The following WNK2 variants were observed in gnomAD, a reference collection of about 807,000 sequenced individuals.
The protein encoded by WNK2 is serine/threonine-protein kinase WNK2.
In WNK2, 67 loss-of-function variants were observed where a neutral mutation model predicts 192.1. The observed-to-expected ratio is 0.35, with a 90% CI of 0.29 to 0.43. The LOEUF is 0.43. WNK2 is among the 20% of genes least tolerant of loss of function. The pLI is 1.00. For missense variants in WNK2, 2,698 were observed against 3,089.7 expected (o/e 0.87, Z 3.01); for synonymous variants, 1,439 against 1,393.9 (o/e 1.03, Z -0.72).
chr9:93,293,928 T>TTGTCTC (rs756699899), intron 23 of WNK2, among the ~76,000 whole-genome samples: 1 of 151,990 alleles, frequency 6.6e-6, no homozygotes, highest in African/African-American at 2.4e-5. Context: ...TCTCCTTTCT[T>TTGTCTC]TGTCTCTGTC....
intron 7 of WNK2, among the ~76,000 whole-genome samples, chr9:93,241,077 G>T (rs1346534662): frequency 1.3e-5 from 2 of 152,218 alleles, no homozygotes; most frequent in African/African-American, 4.8e-5. Context: ...CGCCAGAGAG[G>T]GACAGTGGTG....
Position 93,247,914 on chromosome 9 carries a change from G to A in WNK2, c.1834+80G>A, listed in dbSNP as rs1842007690. On this transcript the variant is annotated intron_variant, in intron 8 of 29. Transcript: ENST00000427277. This position sits in a 1 kb window ranked among gnomAD's most constrained non-coding sequence, Gnocchi z 5.2. ...AACCAGCTATTGGGCAAAGAAAAAT[G>A]AAGTCCTCTCCCTTTATTGGAATGC... The A allele has an allele frequency of 7.0e-7, 1 of 1,429,304 alleles. No individual in the cohort carries two copies. Among genetic ancestry groups the A allele is most frequent in the Admixed American group, 2.3e-5 (1 of 44,110 alleles). The allele number at this position is 1,429,304 out of a possible 1,614,324, so 88.5% of individuals were successfully genotyped here.
At chr9:93,245,415 G>A (rs997398017) in intron 7 of WNK2, among the ~76,000 whole-genome samples, 5 of 152,192 alleles carry the variant, frequency 3.3e-5, no homozygotes, top group African/African-American at 1.2e-4. Context: ...CTGTCCCTCG[G>A]GACGGGCTCA....
chr9:93,308,212 C>G, intron 27 of WNK2, 116 bp from the exon 28 acceptor site: 3 of 1,460,644 alleles, frequency 2.1e-6, no homozygotes, highest in South Asian at 1.4e-5. Flanking sequence ...AAGGTGCTGC[C>G]TGGCCCAAGT....
At chr9:93,219,056 C>A (rs886984661) in intron 2 of WNK2, among the ~76,000 whole-genome samples, 1 of 152,226 alleles carries the variant, frequency 6.6e-6, no homozygotes, top group Non-Finnish European at 1.5e-5. Flanking sequence ...TCCCTCTGCC[C>A]CTCAGCTGCC....
At chr9:93,227,860 ACT>A (rs1838083744) in intron 2 of WNK2, among the ~76,000 whole-genome samples, 1 of 152,198 alleles carries the variant, frequency 6.6e-6, no homozygotes, top group Non-Finnish European at 1.5e-5. Flanking sequence ...TTAAACATTA[ACT>A]TTTTTGTACT....
chr9:93,213,367 A>C (rs569384898), intron 2 of WNK2, among the ~76,000 whole-genome samples: 9 of 152,328 alleles, frequency 5.9e-5, no homozygotes, highest in African/African-American at 1.7e-4. Flanking sequence ...TAATGTATCC[A>C]TGTAATGGTA....
chr9:93,242,597 C>T (rs1280258891), intron 7 of WNK2, among the ~76,000 whole-genome samples: 3 of 152,224 alleles, frequency 2.0e-5, no homozygotes, highest in African/African-American at 7.2e-5. Context: ...GCTGCATAGG[C>T]TATGTACAGC....
At position 93,290,030 on chromosome 9, in the gene WNK2, C is replaced by T. The variant is rs761334827; in HGVS notation, c.4919C>T (p.Thr1640Met). ...PTRGAVMEQG[T>M]SSSMTAESSP... is the part of the protein sequence containing the mutation. ...CGAGGGGCCGTGATGGAGCAGGGCA[C>T]GTCCTCGTCAATGACAGGTAACAGC... Residue 1640 changes from threonine to methionine, a missense_variant, in exon 21 of 30, where the codon ACG (threonine) becomes ATG (methionine). Thr to Met is a moderately conservative substitution (Grantham distance 81). Coordinates refer to ENST00000427277, the MANE Select transcript of WNK2 (RefSeq NM_006648.4). The T allele has an allele frequency of 2.6e-5, 41 of 1,575,150 alleles. No individual in the cohort carries two copies. The highest frequency in any genetic ancestry group is 7.3e-5 in the Admixed American group (4 of 55,070).
Position 93,320,539 on chromosome 9 carries a change from T to A in WNK2, c.*147T>A. 1 of 874,462 alleles carries A rather than the reference T, an allele frequency of 1.1e-6. No individual in the cohort carries two copies. The allele number at this position is 874,462 out of a possible 1,614,324, so 54.2% of individuals were successfully genotyped here. On this transcript the variant is annotated 3_prime_UTR_variant, in exon 30 of 30. Transcript: ENST00000427277. ...TTCACAATTGGAAACACAAATGTAATGCAAGAATAAAAAATATTTTGGGGC... is the reference window on the plus strand; with the variant it reads ...TTCACAATTGGAAACACAAATGTAAAGCAAGAATAAAAAATATTTTGGGGC...
chr9:93,186,749 C>T (rs1226391658), intron 2 of WNK2, among the ~76,000 whole-genome samples: 4 of 152,180 alleles, frequency 2.6e-5, no homozygotes, highest in Admixed American at 6.5e-5. Flanking sequence ...CGGTGGGTGT[C>T]GACCTGTCGT....
chr9:93,216,172 C>T (rs555188658), intron 2 of WNK2, among the ~76,000 whole-genome samples: 1 of 152,262 alleles, frequency 6.6e-6, no homozygotes, highest in South Asian at 2.1e-4. Context: ...ACTCTGGGCT[C>T]TGATTGCCAT....
At chr9:93,317,174 A>C in intron 28 of WNK2, 1 of 409,984 alleles carries the variant, frequency 2.4e-6, no homozygotes, top group Non-Finnish European at 4.5e-6. Context: ...CCAGCCAAGC[A>C]GGAGGGCTTT....
intron 26 of WNK2, among the ~76,000 whole-genome samples, chr9:93,303,458 C>A (rs1851956648): frequency 6.6e-6 from 1 of 152,220 alleles, no homozygotes; most frequent in Non-Finnish European, 1.5e-5. Flanking sequence ...GGCTCAGGGA[C>A]CCTCCGGTGT....
chr9:93,189,457 A>G (rs1170748082), intron 2 of WNK2, among the ~76,000 whole-genome samples: 3 of 152,190 alleles, frequency 2.0e-5, no homozygotes, highest in Non-Finnish European at 4.4e-5. Flanking sequence ...CCAGAAAGTT[A>G]CAAAGTAGGT....
At position 93,262,693 on chromosome 9, in the gene WNK2, G is replaced by A. The variant is rs752230006; in HGVS notation, c.3384G>A (p.Pro1128=). Residue 1128 remains proline, a synonymous_variant, in exon 14 of 30, where the codon CCG becomes CCA. Transcript: ENST00000427277. ...AGGAGCAGGCCTCACAGGACAAGCCGCCCGGCCTCCCGCAGAGCTGTGAGA... is the reference window on the plus strand; with the variant it reads ...AGGAGCAGGCCTCACAGGACAAGCCACCCGGCCTCCCGCAGAGCTGTGAGA... ...VQEEQASQDK[P]PGLPQSCESY... 11 of 1,612,338 alleles carry A rather than the reference G, an allele frequency of 6.8e-6. No homozygotes were observed. Among genetic ancestry groups the A allele is most frequent in the Admixed American group, 5.0e-5 (3 of 60,000 alleles).
Position 93,275,936 on chromosome 9 carries a change from G to A in WNK2, c.4033+7190G>A, listed in dbSNP as rs944231755. Among the ~76,000 whole-genome samples, 4 of 152,166 alleles carry A rather than the reference G, an allele frequency of 2.6e-5. 1 individual carries two copies. Among genetic ancestry groups the A allele is most frequent in the African/African-American group, 9.7e-5 (4 of 41,432 alleles). ...TGTATGCTGAAAACTACAAAGTACC[G>A]ATGAAATGAATCAAAGGTTACCTAA... On this transcript the variant is annotated intron_variant, in intron 19 of 29. Transcript: ENST00000427277.
At chr9:93,294,669 C>CT (rs1289950512) in intron 23 of WNK2, among the ~76,000 whole-genome samples, 1 of 152,056 alleles carries the variant, frequency 6.6e-6, no homozygotes, top group African/African-American at 2.4e-5. Flanking sequence ...GCTATAGGCT[C>CT]TGAGAGCCTG....
intron 28 of WNK2, 133 bp downstream of exon 28, chr9:93,308,717 A>T (rs1853080115): frequency 1.5e-6 from 2 of 1,371,650 alleles, no homozygotes; most frequent in Non-Finnish European, 1.9e-6. Flanking sequence ...CATTCTCCCC[A>T]CAGCCCCAAG....
Sources: allele counts gnomAD v4.1 joint callset (sites outside exome capture counted in the v4.1 genomes callset), GRCh38; gene constraint gnomAD v4.1.1; non-coding constraint Gnocchi (gnomAD v3.1); transcripts MANE v1.5; gene names NCBI Gene and HGNC (gene_info 2026-07-23, HGNC 2026-07-21).